Variants in IQCJ observed in about 807,000 individuals in gnomAD.
The protein encoded by IQCJ is IQ domain-containing protein J.
Under a neutral mutation model 11.0 loss-of-function variants are expected in IQCJ, and 9 were observed. The observed-to-expected ratio is 0.82, with a 90% CI of 0.49 to 1.43. IQCJ has a LOEUF of 1.43. Among genes scored for constraint, IQCJ ranks in the 40% most tolerant of loss-of-function variants. IQCJ has a pLI of 0.00. For missense variants in IQCJ, 146 were observed against 133.2 expected, an observed-to-expected ratio of 1.10 and a Z score of -0.47; for synonymous variants, 55 against 51.3, an observed-to-expected ratio of 1.07 and a Z score of -0.31.
chr3:159,108,351 A>G (rs1445326668), intron 1 of IQCJ, among the ~76,000 whole-genome samples: 1 of 152,228 alleles, frequency 6.6e-6, no homozygotes, highest in Non-Finnish European at 1.5e-5. Flanking sequence ...TTATCTCAGC[A>G]AATAAAGATA....
At chr3:159,088,902 G>A (rs58710803) in intron 1 of IQCJ, among the ~76,000 whole-genome samples, 5,120 of 152,140 alleles carry the variant, frequency 0.034, 274 homozygotes, top group African/African-American at 0.12. Flanking sequence ...TTTAATTGGA[G>A]CATTTAGTCC....
At chr3:159,117,552 T>C (rs1311387446) in intron 1 of IQCJ, among the ~76,000 whole-genome samples, 1 of 152,244 alleles carries the variant, frequency 6.6e-6, no homozygotes, top group Non-Finnish European at 1.5e-5. Context: ...GTGATTAAAA[T>C]TTTGTAAAAG....
intron 1 of IQCJ, among the ~76,000 whole-genome samples, chr3:159,236,531 T>C (rs1726603313): frequency 6.6e-6 from 1 of 152,176 alleles, no homozygotes; most frequent in Non-Finnish European, 1.5e-5. Flanking sequence ...TTTTCTGAAG[T>C]TGGGCTGTGC....
intron 1 of IQCJ, among the ~76,000 whole-genome samples, chr3:159,163,843 C>T (rs994110006): frequency 1.3e-5 from 2 of 152,188 alleles, no homozygotes; most frequent in African/African-American, 4.8e-5. Flanking sequence ...AAGCCCACAC[C>T]TGAACACTGC....
chr3:159,089,960 T>TGAGGAACTGCATTCCTTTGGAGGAG (rs1204609951), intron 1 of IQCJ, among the ~76,000 whole-genome samples: 1 of 151,954 alleles, frequency 6.6e-6, no homozygotes, highest in East Asian at 1.9e-4. Context: ...CTGTTGCTGT[T>TGAGGAACTGCATTCCTTTGGAGGAG]GAGGAACTGC....
At chr3:159,130,959 C>T (rs888393248) in intron 1 of IQCJ, among the ~76,000 whole-genome samples, 5 of 152,284 alleles carry the variant, frequency 3.3e-5, no homozygotes, top group Admixed American at 2.0e-4. Flanking sequence ...ATCCTTAACT[C>T]CTTCATCTGT....
intron 1 of IQCJ, among the ~76,000 whole-genome samples, chr3:159,194,785 A>G (rs1009450068): frequency 6.6e-6 from 1 of 152,150 alleles, no homozygotes; most frequent in Admixed American, 6.5e-5. Flanking sequence ...CAAGGGTATT[A>G]TTACCATCCC....
intron 3 of IQCJ, among the ~76,000 whole-genome samples, chr3:159,256,923 T>A (rs1390864781): frequency 6.6e-6 from 1 of 152,208 alleles, no homozygotes; most frequent in African/African-American, 2.4e-5. Flanking sequence ...TATCCTTGAC[T>A]TCTTGCAGGG....
At chr3:159,109,395 C>A (rs1718471726) in intron 1 of IQCJ, among the ~76,000 whole-genome samples, 1 of 152,060 alleles carries the variant, frequency 6.6e-6, no homozygotes, top group African/African-American at 2.4e-5. Context: ...AGTTAATGAT[C>A]TCACATTCTC....
intron 1 of IQCJ, among the ~76,000 whole-genome samples, chr3:159,080,109 A>C (rs1283354979): frequency 6.6e-6 from 1 of 151,860 alleles, no homozygotes; most frequent in Non-Finnish European, 1.5e-5. Flanking sequence ...GCTGACACCA[A>C]CTCCTACTTT....
intron 1 of IQCJ, among the ~76,000 whole-genome samples, chr3:159,205,679 G>C (rs925369384): frequency 1.3e-5 from 2 of 152,162 alleles, no homozygotes; most frequent in African/African-American, 4.8e-5. Context: ...TTTTTGGTAG[G>C]GTTAAATCCT....
intron 1 of IQCJ, among the ~76,000 whole-genome samples, chr3:159,210,881 A>G (rs1560026923): frequency 6.6e-6 from 1 of 152,146 alleles, no homozygotes; most frequent in Non-Finnish European, 1.5e-5. Flanking sequence ...CATGTTGGTC[A>G]GGCTGGTCTC....
chr3:159,082,398 A>G (rs1451550718), intron 1 of IQCJ, among the ~76,000 whole-genome samples: 2 of 151,836 alleles, frequency 1.3e-5, no homozygotes, highest in Non-Finnish European at 2.9e-5. Flanking sequence ...CAGAGGCAGT[A>G]AAGAAGCATA....
chr3:159,107,783 T>C (rs1038317613), intron 1 of IQCJ, among the ~76,000 whole-genome samples: 1 of 152,018 alleles, frequency 6.6e-6, no homozygotes, highest in Non-Finnish European at 1.5e-5. Context: ...ATCAAGCATC[T>C]AGTAAGTGGG....
chr3:159,265,694 T>G (rs1483189231), downstream of IQCJ: 4 of 229,928 alleles, frequency 1.7e-5, no homozygotes, highest in Non-Finnish European at 3.4e-5. Flanking sequence ...TCTGATCAAC[T>G]GACTGTCTTG....
intron 1 of IQCJ, among the ~76,000 whole-genome samples, chr3:159,106,304 A>G (rs1264947911): frequency 6.6e-6 from 1 of 152,192 alleles, no homozygotes; most frequent in African/African-American, 2.4e-5. Flanking sequence ...CCCAGGGCTC[A>G]GAGGAGAGGT....
intron 1 of IQCJ, among the ~76,000 whole-genome samples, chr3:159,193,440 G>A (rs766702765): frequency 2.0e-5 from 3 of 152,144 alleles, no homozygotes; most frequent in Non-Finnish European, 4.4e-5. Context: ...TGTGATAGGA[G>A]CAGTGGTCCC....
At chr3:159,123,104 G>A (rs1214572034) in intron 1 of IQCJ, among the ~76,000 whole-genome samples, 2 of 151,756 alleles carry the variant, frequency 1.3e-5, no homozygotes, top group African/African-American at 2.4e-5. Context: ...TATGCTTGAG[G>A]TAACACAACA....
Position 159,263,417 on chromosome 3 carries a change from G to C in IQCJ, c.*686G>C. 1 of 981,508 alleles carries C rather than the reference G, an allele frequency of 1.0e-6. No individual in the cohort carries two copies. The highest frequency in any genetic ancestry group is 4.7e-5 in the South Asian group (1 of 21,182). 60.8% of individuals were successfully genotyped at this position (981,508 alleles called of 1,614,324 possible). On this transcript the variant is annotated 3_prime_UTR_variant, in exon 4 of 4. Coordinates refer to ENST00000397832, the MANE Select transcript of IQCJ (RefSeq NM_001042706.3). ...TAAGAAATCTGAGATAGAGAGTTAA[G>C]GAATAAGGGAATCTGCTGGAAGTCT...
Sources: gnomAD v4.1 joint callset for allele counts (sites outside exome capture counted in the v4.1 genomes callset) on GRCh38, gnomAD v4.1.1 for gene constraint, MANE v1.5 for transcripts, NCBI Gene and HGNC (gene_info 2026-07-23, HGNC 2026-07-21) for gene names.